MAF: variants seen among roughly 807,000 people sequenced by gnomAD.
MAF encodes MAF bZIP transcription factor, also known as transcription factor Maf.
MAF carries 10 observed loss-of-function variants against 22.0 expected under a neutral mutation model. The ratio of observed to expected loss-of-function variants is 0.45; its 90% CI spans 0.28 to 0.77. The LOEUF (loss-of-function observed/expected upper bound fraction) is 0.77, where lower values mean the gene tolerates loss of function less well. MAF is among the 30% of genes least tolerant of loss of function. MAF has a pLI of 0.12. For missense variants in MAF, 544 were observed against 548.4 expected, an observed-to-expected ratio of 0.99 and a Z score of 0.08; for synonymous variants, 337 against 255.8, an observed-to-expected ratio of 1.32 and a Z score of -3.03.
the MAF span, among the ~76,000 whole-genome samples, chr16:79,468,043 G>C: frequency 6.6e-6 from 1 of 152,116 alleles, no homozygotes; most frequent in Non-Finnish European, 1.5e-5. Context: ...AATTAAATTA[G>C]AATGTGTCAC....
At chr16:79,226,585 G>A in the MAF span, among the ~76,000 whole-genome samples, 4 of 152,050 alleles carry the variant, frequency 2.6e-5, no homozygotes, top group African/African-American at 9.7e-5. Flanking sequence ...CGTTATAAAA[G>A]TTGGTAGGGT....
the MAF span, among the ~76,000 whole-genome samples, chr16:79,210,746 C>T: frequency 2.0e-5 from 3 of 152,038 alleles, no homozygotes; most frequent in African/African-American, 7.3e-5. Flanking sequence ...GATTTCTTGC[C>T]CTCTTTATAG....
At chr16:79,517,562 T>C in the MAF span, among the ~76,000 whole-genome samples, 1 of 128,206 alleles carries the variant, frequency 7.8e-6, no homozygotes, top group African/African-American at 2.8e-5. Context: ...GAGTGGACTG[T>C]TTAGTCTTTT....
chr16:79,226,080 G>A, the MAF span, among the ~76,000 whole-genome samples: 308 of 152,232 alleles, frequency 2.0e-3, 1 homozygote, highest in African/African-American at 6.5e-3. Flanking sequence ...AAATGCACAC[G>A]TATGTTTATT....
chr16:79,542,271 G>A, the MAF span, among the ~76,000 whole-genome samples: 2 of 152,176 alleles, frequency 1.3e-5, no homozygotes, highest in African/African-American at 2.4e-5. Flanking sequence ...GGGCAGGAAC[G>A]CAAACAGGAA....
the MAF span, among the ~76,000 whole-genome samples, chr16:79,485,591 C>G: frequency 6.6e-6 from 1 of 152,130 alleles, no homozygotes; most frequent in East Asian, 1.9e-4. Flanking sequence ...TGAGCACAAA[C>G]TGACAATCTG....
chr16:79,385,775 C>T, the MAF span, among the ~76,000 whole-genome samples: 690 of 152,260 alleles, frequency 4.5e-3, 4 homozygotes, highest in Non-Finnish European at 7.1e-3. Context: ...GTAGTACACG[C>T]CTGTAATCCC....
At chr16:79,341,009 G>C in the MAF span, among the ~76,000 whole-genome samples, 8 of 152,214 alleles carry the variant, frequency 5.3e-5, no homozygotes, top group Non-Finnish European at 1.5e-5. Context: ...TATGCAAAGA[G>C]CTGGAGAAGA....
At chr16:79,358,497 C>G in the MAF span, among the ~76,000 whole-genome samples, 1 of 152,132 alleles carries the variant, frequency 6.6e-6, no homozygotes. Flanking sequence ...TCCAGAGATC[C>G]CAGCCAGGCC....
chr16:79,453,896 T>C, the MAF span, among the ~76,000 whole-genome samples: 25 of 152,212 alleles, frequency 1.6e-4, 1 homozygote, highest in Non-Finnish European at 7.3e-5. Context: ...TTAAACACAC[T>C]GAATCCAGAG....
At chr16:79,320,937 A>G in the MAF span, among the ~76,000 whole-genome samples, 1 of 152,226 alleles carries the variant, frequency 6.6e-6, no homozygotes, top group Non-Finnish European at 1.5e-5. Flanking sequence ...GTCTGAGATC[A>G]CAGTCCAGTA....
chr16:79,534,429 G>A, the MAF span, among the ~76,000 whole-genome samples: 1 of 152,100 alleles, frequency 6.6e-6, no homozygotes, highest in African/African-American at 2.4e-5. Context: ...AAGCTGTCCT[G>A]GAATGCAATG....
the MAF span, among the ~76,000 whole-genome samples, chr16:79,285,190 G>A: frequency 6.6e-6 from 1 of 152,120 alleles, no homozygotes. Flanking sequence ...CTCCCCAGCA[G>A]CTTTTAAAGA....
the MAF span, among the ~76,000 whole-genome samples, chr16:79,210,725 C>G: frequency 6.6e-6 from 1 of 152,066 alleles, no homozygotes; most frequent in Non-Finnish European, 1.5e-5. Context: ...TTATGGCTTG[C>G]AAAGCAAAGT....
At chr16:79,226,711 G>C in the MAF span, among the ~76,000 whole-genome samples, 2 of 152,008 alleles carry the variant, frequency 1.3e-5, no homozygotes, top group Non-Finnish European at 2.9e-5. Context: ...AGGACATGTG[G>C]ATGACATTTT....
At chr16:79,505,174 T>C in the MAF span, among the ~76,000 whole-genome samples, 5,982 of 152,264 alleles carry the variant, frequency 0.039, 378 homozygotes, top group African/African-American at 0.13. Flanking sequence ...AGGTGGAAGA[T>C]ATTGCTGCTT....
At chr16:79,474,194 C>T in the MAF span, among the ~76,000 whole-genome samples, 12 of 152,156 alleles carry the variant, frequency 7.9e-5, no homozygotes, top group Non-Finnish European at 1.3e-4. Flanking sequence ...TCAAGGGCTA[C>T]CCCCTCCTCC....
At chr16:79,362,686 T>C in the MAF span, among the ~76,000 whole-genome samples, 22 of 152,194 alleles carry the variant, frequency 1.4e-4, no homozygotes, top group Non-Finnish European at 2.5e-4. Flanking sequence ...TAAAAACCCA[T>C]TGATAAAATT....
the MAF span, among the ~76,000 whole-genome samples, chr16:79,373,784 A>C: frequency 2.6e-5 from 4 of 152,172 alleles, no homozygotes; most frequent in Non-Finnish European, 5.9e-5. Flanking sequence ...CAGCAGCAAG[A>C]AGGCCCTCAC....
Sources: allele counts gnomAD v4.1 joint callset (sites outside exome capture counted in the v4.1 genomes callset), GRCh38; gene constraint gnomAD v4.1.1; transcripts MANE v1.5; gene names NCBI Gene and HGNC (gene_info 2026-07-23, HGNC 2026-07-21).